Variants in AATK observed in about 807,000 individuals in gnomAD.
AATK encodes lemur tail kinase 1, also known as serine/threonine-protein kinase LMTK1.
In AATK, 91 loss-of-function variants were observed where a neutral mutation model predicts 114.3. The observed-to-expected ratio is 0.80, with a 90% CI of 0.67 to 0.95. AATK has a LOEUF of 0.95. Among genes scored for constraint, AATK ranks in the 40% least tolerant of loss-of-function variants. The pLI, the probability that AATK is intolerant of heterozygous loss-of-function variation, is 0.00. For missense variants in AATK, 2,176 were observed against 1,965.2 expected, an observed-to-expected ratio of 1.11 and a Z score of -2.03; for synonymous variants, 1,075 against 916.5, an observed-to-expected ratio of 1.17 and a Z score of -3.12.
intron 7 of AATK, chr17:81,125,978 G>A (rs553968504): frequency 2.5e-5 from 12 of 477,004 alleles, no homozygotes; most frequent in South Asian, 1.2e-4. Context: ...TGGGGCTGAC[G>A]GGGCCACGTG....
chr17:81,123,465 C>A, intron 9 of AATK, 122 bp from the exon 10 acceptor site: 1 of 917,898 alleles, frequency 1.1e-6, no homozygotes, highest in Non-Finnish European at 1.4e-6. Flanking sequence ...AGGACCGGGG[C>A]CTGGTACCAT....
rs574955059 is a variant in AATK at position 81,121,240 on chromosome 17, G to A, written c.2696C>T (p.Thr899Ile). The A allele has an allele frequency of 1.9e-6, 3 of 1,607,798 alleles. No individual in the cohort carries two copies. The highest frequency in any genetic ancestry group is 2.5e-6 in the Non-Finnish European group (3 of 1,177,710). Residue 899 changes from threonine to isoleucine, a missense_variant, in exon 11 of 14, where the codon ACC becomes ATC. Thr to Ile is a moderately conservative substitution (Grantham distance 89). Coordinates refer to ENST00000326724, the MANE Select transcript of AATK (RefSeq NM_001080395.3). ...AFRSLQKQVG[T>I]PDSLDSLDIP... ...GTCCAGGGAGTCCAGGGAGTCGGGG[G>A]TCCCCACCTGCTTCTGCAGAGAGCG...
At chr17:81,165,519 G>C in intron 1 of AATK, 1 of 726,974 alleles carries the variant, frequency 1.4e-6, no homozygotes, top group Non-Finnish European at 2.0e-6. Flanking sequence ...ATCGCTCCCA[G>C]CCTGGGAAGA....
intron 1 of AATK, chr17:81,135,643 T>G (rs1034072998): frequency 6.6e-6 from 1 of 152,300 alleles, no homozygotes; most frequent in Non-Finnish European, 1.5e-5. Context: ...GTGGCACAGC[T>G]GACCTCACCT....
chr17:81,135,157 G>A (rs1373530026), intron 1 of AATK, among the ~76,000 whole-genome samples: 1 of 152,172 alleles, frequency 6.6e-6, no homozygotes, highest in Non-Finnish European at 1.5e-5. Context: ...GCAGCTGCTG[G>A]TCCATGGAGC....
chr17:81,165,907 CGGCG>C, intron 1 of AATK, 27 bp downstream of exon 1: 1 of 1,563,024 alleles, frequency 6.4e-7, no homozygotes, highest in Non-Finnish European at 8.7e-7. Context: ...AGGGAGGCAG[CGGCG>C]CGCAGGCCGG....
chr17:81,125,036 G>GGGGCAGGGT lies in AATK; in HGVS notation c.756-31_756-23dup, dbSNP rs750916754. The GGGGCAGGGT allele has an allele frequency of 3.9e-3, 5,547 of 1,405,842 alleles. 23 individuals are homozygous for GGGGCAGGGT. The highest frequency in any genetic ancestry group is 4.6e-3 in the Non-Finnish European group (4,943 of 1,075,220). 87.1% of individuals were successfully genotyped at this position (1,405,842 alleles called of 1,614,324 possible). A position where few individuals can be genotyped will look rare whatever the true frequency, so the allele number is the denominator to read the frequency against. On this transcript the variant is annotated intron_variant, in intron 7 of 13. Coordinates refer to ENST00000326724, the MANE Select transcript of AATK (RefSeq NM_001080395.3). ...GTCGCTGCAGGCAGGGGCAGGGGCA[G>GGGGCAGGGT]GGGCAGGGTGAGCAGGGTGAGCAGG...
At chr17:81,124,449 C>T (rs1370008536) in intron 9 of AATK, among the ~76,000 whole-genome samples, 1 of 152,190 alleles carries the variant, frequency 6.6e-6, no homozygotes, top group Non-Finnish European at 1.5e-5. Flanking sequence ...TCACCAAGGC[C>T]CCCGTCTCAG....
chr17:81,122,522 TG>T lies in AATK; in HGVS notation c.1413del (p.Ser472AlafsTer23). On this transcript the variant is annotated frameshift_variant, in exon 11 of 14. Coordinates refer to ENST00000326724, the MANE Select transcript of AATK (RefSeq NM_001080395.3). LOFTEE classifies it high-confidence loss of function. ...DGDDVLTVTE[T>X]SRGLNFEYKW... ...TTGTACTCAAAATTGAGGCCTCGGC[TG>T]GTCTCGGTCACCGTCAGCACGTCGT... 6.8e-7 allele frequency: 1 copy of T among 1,480,662 alleles called. No individual in the cohort carries two copies. The allele number at this position is 1,480,662 out of a possible 1,614,324, so 91.7% of individuals were successfully genotyped here.
In AATK at chr17:81,120,838, G is replaced by A. The variant is rs760487697; in HGVS notation, c.3098C>T (p.Pro1033Leu). The change falls in exon 11 of 14, where the codon CCG becomes CTG. Residue 1033 changes from proline to leucine, a missense_variant. Around this residue, in one of 4 missense-constraint regions of AATK, gnomAD observed 1,701 missense variants for 1,394.7 expected, o/e 1.22. Transcript: ENST00000326724. ...PELGLPSTGQ[P>L]SEQVCLRPGV... ...AGGCCTGAGACAGACCTGCTCAGAC[G>A]GCTGCCCAGTGCTCGGCAGGCCCAG... 25 of 1,579,132 alleles carry A rather than the reference G, an allele frequency of 1.6e-5. No homozygotes were observed. Among genetic ancestry groups the A allele is most frequent in the Non-Finnish European group, 1.7e-5 (20 of 1,163,004 alleles).
intron 6 of AATK, among the ~76,000 whole-genome samples, chr17:81,127,014 C>T (rs971862744): frequency 5.3e-5 from 8 of 150,054 alleles, no homozygotes; most frequent in African/African-American, 2.0e-4. Context: ...CAGCCACAGA[C>T]AGCCTCGGCT....
At chr17:81,147,825 G>A (rs1017721563) in intron 1 of AATK, among the ~76,000 whole-genome samples, 6 of 152,098 alleles carry the variant, frequency 3.9e-5, no homozygotes, top group Non-Finnish European at 5.9e-5. Context: ...GAAGCAGGAC[G>A]TGCAGGACTC....
intron 1 of AATK, among the ~76,000 whole-genome samples, chr17:81,136,853 G>A (rs1013414463): frequency 3.9e-5 from 6 of 152,300 alleles, no homozygotes; most frequent in Non-Finnish European, 8.8e-5. Context: ...CCACAGAAGC[G>A]GTCAGTTTCT....
At chr17:81,144,715 G>A (rs533486004) in intron 1 of AATK, among the ~76,000 whole-genome samples, 138 of 152,380 alleles carry the variant, frequency 9.1e-4, no homozygotes, top group African/African-American at 3.2e-3. Flanking sequence ...GCTCGCTCCT[G>A]TGAATCACAA....
chr17:81,131,159 T>C lies in AATK; in HGVS notation c.236A>G (p.Gln79Arg), dbSNP rs376534459. 2.2e-5 allele frequency: 34 copies of C among 1,578,472 alleles called. 1 individual carries two copies. In the African/African-American group the frequency reaches 4.0e-4, roughly 19 times the overall value. ...CTGTGCTGCCGTGGCCGGGGAGCCC[T>C]GCGCCAGGTCGGCTGCGTACTCGTC... ...EGDEYAADLA[Q>R]GSPATAAQNG... Residue 79 changes from glutamine to arginine, a missense_variant, in exon 3 of 14, where the codon CAG (glutamine) becomes CGG (arginine). Coordinates refer to ENST00000326724, the MANE Select transcript of AATK (RefSeq NM_001080395.3).
chr17:81,165,080 G>A (rs1284214243), intron 1 of AATK, among the ~76,000 whole-genome samples: 1 of 152,260 alleles, frequency 6.6e-6, no homozygotes. Flanking sequence ...TGACGTGTGG[G>A]TGGGACTTGG....
intron 3 of AATK, chr17:81,128,942 A>C (rs1462444374): frequency 1.9e-6 from 2 of 1,080,650 alleles, no homozygotes; most frequent in South Asian, 2.6e-5. Flanking sequence ...GCCCACCCCC[A>C]CCCTGCCGCA....
At chr17:81,148,276 C>G (rs540036604) in intron 1 of AATK, among the ~76,000 whole-genome samples, 3 of 152,210 alleles carry the variant, frequency 2.0e-5, no homozygotes, top group Non-Finnish European at 4.4e-5. Flanking sequence ...GCTGCCCTTA[C>G]AGAGCCGCGC....
At chr17:81,143,827 G>C (rs369651763) in intron 1 of AATK, among the ~76,000 whole-genome samples, 1 of 152,362 alleles carries the variant, frequency 6.6e-6, no homozygotes, top group African/African-American at 2.4e-5. Flanking sequence ...GGGGCTCCAG[G>C]CTCTGCTCAC....
Sources: allele counts gnomAD v4.1 joint callset (sites outside exome capture counted in the v4.1 genomes callset), GRCh38; gene constraint gnomAD v4.1.1; regional missense constraint gnomAD v4.1.1; transcripts MANE v1.5; gene names NCBI Gene and HGNC (gene_info 2026-07-23, HGNC 2026-07-21).